GALNT2: variants seen among roughly 807,000 people sequenced by gnomAD.
GALNT2 encodes the protein UDP-GalNAc:polypeptide N-acetylgalactosaminyltransferase 2.
A neutral mutation model predicts 81.4 loss-of-function variants in GALNT2; 31 were observed. That is an observed-to-expected ratio of 0.38 (90% CI 0.29 to 0.51). The LOEUF is 0.51. GALNT2 is among the 20% of genes least tolerant of loss of function. The probability of loss-of-function intolerance (pLI) is 0.87; values close to 1 mark genes in which losing one functional copy is unlikely to be tolerated. For synonymous variants in GALNT2, 303 were observed against 287.4 expected (o/e 1.05, Z -0.55); for missense variants, 629 against 765.7 (o/e 0.82, Z 2.11).
intron 1 of GALNT2, among the ~76,000 whole-genome samples, chr1:230,061,191 GATGT>G (rs1342084141): frequency 1.9e-4 from 13 of 67,188 alleles, no homozygotes; most frequent in Non-Finnish European, 3.7e-4. Context: ...TATGAGCATA[GATGT>G]GTGTGTGTGT....
chr1:230,092,563 C>T (rs1234017172), intron 1 of GALNT2, among the ~76,000 whole-genome samples: 1 of 151,942 alleles, frequency 6.6e-6, no homozygotes, highest in Non-Finnish European at 1.5e-5. Flanking sequence ...AGGCTGATCT[C>T]GAACTCCTGA....
chr1:230,128,442 C>T (rs1264782230), intron 1 of GALNT2, among the ~76,000 whole-genome samples: 4 of 152,114 alleles, frequency 2.6e-5, no homozygotes, highest in African/African-American at 9.7e-5. Flanking sequence ...CCACAGAGCC[C>T]AGCGTCTGCA....
At chr1:230,248,169 A>C (rs990475007) in intron 8 of GALNT2, among the ~76,000 whole-genome samples, 2 of 152,218 alleles carry the variant, frequency 1.3e-5, no homozygotes, top group African/African-American at 4.8e-5. Flanking sequence ...GGACACTCAG[A>C]AACCCTCACC....
chr1:230,068,769 C>T (rs906504036), intron 1 of GALNT2, among the ~76,000 whole-genome samples: 8 of 152,058 alleles, frequency 5.3e-5, no homozygotes, highest in African/African-American at 1.7e-4. Flanking sequence ...GAAATAAAGC[C>T]CTCTTTCCAC....
At chr1:230,181,548 C>T (rs1392849652) in intron 2 of GALNT2, among the ~76,000 whole-genome samples, 2 of 150,838 alleles carry the variant, frequency 1.3e-5, no homozygotes, top group Non-Finnish European at 3.0e-5. Flanking sequence ...TAATCAGTAC[C>T]TTTCGTTTCC....
chr1:230,061,308 T>C (rs73105828), intron 1 of GALNT2, among the ~76,000 whole-genome samples: 20,701 of 151,856 alleles, frequency 0.14, 2,097 homozygotes, highest in East Asian at 0.34. Context: ...TTCCATCCCA[T>C]TCTGTATCTC....
chr1:230,059,959 T>C (rs1659005698), intron 1 of GALNT2, among the ~76,000 whole-genome samples: 1 of 152,230 alleles, frequency 6.6e-6, no homozygotes, highest in Non-Finnish European at 1.5e-5. Context: ...GACATTATAC[T>C]ATTTACCATA....
intron 2 of GALNT2, among the ~76,000 whole-genome samples, chr1:230,181,034 A>G (rs1029775547): frequency 2.0e-5 from 3 of 151,984 alleles, no homozygotes; most frequent in African/African-American, 7.3e-5. Context: ...TGCACAGACA[A>G]TCATGTGATC....
At chr1:230,125,609 T>G (rs1237296069) in intron 1 of GALNT2, among the ~76,000 whole-genome samples, 1 of 152,196 alleles carries the variant, frequency 6.6e-6, no homozygotes, top group Non-Finnish European at 1.5e-5. Flanking sequence ...TAGTGGGAGT[T>G]TCTCATCAGA....
chr1:230,262,118 AGCTGT>A (rs1212157788), intron 11 of GALNT2: 1 of 155,982 alleles, frequency 6.4e-6, no homozygotes, highest in African/African-American at 2.4e-5. Flanking sequence ...TTTAATGCAG[AGCTGT>A]CTGATAGTGT....
chr1:230,259,694 T>G (rs1237445860), intron 11 of GALNT2: 1 of 152,214 alleles, frequency 6.6e-6, no homozygotes, highest in Non-Finnish European at 1.5e-5. Context: ...GCCTGCCGAG[T>G]CTGCTTCTGC....
At position 230,243,366 on chromosome 1, in the gene GALNT2, T is replaced by C; in HGVS notation, c.668T>C (p.Leu223Pro). The C allele has an allele frequency of 6.2e-7, 1 of 1,612,572 alleles. No individual in the cohort carries two copies. Among genetic ancestry groups the C allele is most frequent in the Non-Finnish European group, 8.5e-7 (1 of 1,179,876 alleles). Reference sequence around the variant, plus strand: ...GCCCAAGCCAAGGTCCTGACCTTCCTGGACAGTCACTGCGAGTGTAATGAG... The same window carrying C: ...GCCCAAGCCAAGGTCCTGACCTTCCCGGACAGTCACTGCGAGTGTAATGAG... ...DAAQAKVLTFLDSHCECNEHW... is the reference protein window; with the variant it reads ...DAAQAKVLTFPDSHCECNEHW... Residue 223 changes from leucine (L) to proline (P), a missense_variant, in exon 7 of 16, where the codon CTG becomes CCG. By Grantham distance (98) the Leu-to-Pro change is moderately conservative. Coordinates refer to ENST00000366672, the MANE Select transcript of GALNT2 (RefSeq NM_004481.5). This position sits in a 1 kb window ranked among gnomAD's most constrained non-coding sequence, Gnocchi z 4.2.
At chr1:230,237,451 C>CTA (rs1375556851) in intron 6 of GALNT2, among the ~76,000 whole-genome samples, 1 of 152,182 alleles carries the variant, frequency 6.6e-6, no homozygotes, top group Non-Finnish European at 1.5e-5. Flanking sequence ...GCCACATTTG[C>CTA]TATTTAAGTC....
rs1237413726 is a variant in GALNT2, at chr1:230,117,097, C to T, written c.126+49691C>T. Among the ~76,000 whole-genome samples, 3 of 152,360 alleles carry T rather than the reference C, an allele frequency of 2.0e-5. No homozygotes were observed. In the South Asian group the frequency reaches 6.2e-4, roughly 32 times the overall value. On this transcript the variant is annotated intron_variant, in intron 1 of 15. Coordinates refer to ENST00000366672, the MANE Select transcript of GALNT2 (RefSeq NM_004481.5). ...GCTGCAGCTTCTCCATCAGCACTTG[C>T]TGCTTCACCTTGCACGTTTATGGTA...
intron 1 of GALNT2, among the ~76,000 whole-genome samples, chr1:230,109,405 G>T (rs1660637588): frequency 6.6e-6 from 1 of 152,208 alleles, no homozygotes; most frequent in Non-Finnish European, 1.5e-5. Flanking sequence ...CACAAAGGCA[G>T]CCCTGTCACA....
intron 1 of GALNT2, among the ~76,000 whole-genome samples, chr1:230,071,361 G>A (rs1659367528): frequency 6.6e-6 from 1 of 152,208 alleles, no homozygotes; most frequent in South Asian, 2.1e-4. Context: ...TCAGAATGGG[G>A]ATCCCAGTAG....
chr1:230,205,605 A>G (rs1664035742), intron 3 of GALNT2, among the ~76,000 whole-genome samples: 1 of 152,164 alleles, frequency 6.6e-6, no homozygotes, highest in South Asian at 2.1e-4. Flanking sequence ...AGGGGTGACA[A>G]CCTGGGGTCC....
chr1:230,062,298 A>G (rs1443993443), upstream of GALNT2, among the ~76,000 whole-genome samples: 1 of 152,050 alleles, frequency 6.6e-6, no homozygotes, highest in East Asian at 1.9e-4. Flanking sequence ...CAGAGATATT[A>G]CCTTTTTATC....
Position 230,241,592 on chromosome 1 carries a change from G to A in GALNT2, c.608-1714G>A, listed in dbSNP as rs183113314. The stretch of plus-strand genomic sequence containing the variant: ...CTGCCGAGTAGCTGGGATTACAGGC[G>A]CACGCCACCACGCCTGGCTAATTTT... On this transcript the variant is annotated intron_variant, in intron 6 of 15. Coordinates refer to ENST00000366672, the MANE Select transcript of GALNT2 (RefSeq NM_004481.5). Among the ~76,000 whole-genome samples the A allele has an allele frequency of 3.1e-4, 47 of 152,096 alleles. No individual in the cohort carries two copies. The East Asian group carries it at 7.2e-3, about 23-fold the overall frequency.
Sources: allele counts gnomAD v4.1 joint callset (sites outside exome capture counted in the v4.1 genomes callset), GRCh38; gene constraint gnomAD v4.1.1; non-coding constraint Gnocchi (gnomAD v3.1); transcripts MANE v1.5; gene names NCBI Gene and HGNC (gene_info 2026-07-23, HGNC 2026-07-21).